SHPRH: variants seen among roughly 807,000 people sequenced by gnomAD.
SHPRH encodes the protein E3 ubiquitin-protein ligase SHPRH.
Under a neutral mutation model 202.5 loss-of-function variants are expected in SHPRH, and 106 were observed. That is an observed-to-expected ratio of 0.52 (90% CI 0.45 to 0.62). SHPRH has a LOEUF of 0.62. SHPRH is among the 20% of genes least tolerant of loss of function. SHPRH has a pLI of 0.00. For missense variants in SHPRH, 1,710 were observed against 2,020.0 expected, an observed-to-expected ratio of 0.85 and a Z score of 2.94; for synonymous variants, 729 against 686.0, an observed-to-expected ratio of 1.06 and a Z score of -0.98.
downstream of SHPRH, among the ~76,000 whole-genome samples, chr6:145,880,261 AATTC>A (rs1338631570): frequency 1.3e-5 from 2 of 152,106 alleles, no homozygotes; most frequent in Non-Finnish European, 2.9e-5. Context: ...ACATGGAATA[AATTC>A]ATTATTTAAT....
At chr6:145,929,728 C>T (rs549576107) in intron 14 of SHPRH, among the ~76,000 whole-genome samples, 3 of 152,028 alleles carry the variant, frequency 2.0e-5, no homozygotes, top group South Asian at 4.2e-4. Context: ...CTAGGGAATG[C>T]CCTAGAGGGA....
intron 1 of SHPRH, 60 bp from the exon 2 acceptor site, chr6:145,955,414 A>G: frequency 6.9e-7 from 1 of 1,439,884 alleles, no homozygotes; most frequent in Non-Finnish European, 9.3e-7. Flanking sequence ...TTTAAGGGTT[A>G]CCAGATGAGA....
chr6:145,909,352 G>C, intron 25 of SHPRH: 1 of 152,080 alleles, frequency 6.6e-6, no homozygotes, highest in Non-Finnish European at 1.5e-5. Flanking sequence ...CTGTGTGCTA[G>C]TACGTGTCCA....
At chr6:145,862,670 G>A (rs1779624376), downstream of SHPRH, 1 of 152,216 alleles carries the variant, frequency 6.6e-6, no homozygotes, top group African/African-American at 2.4e-5. Flanking sequence ...CATAGTAGAT[G>A]TTGAACAATT....
In SHPRH at chr6:145,922,249, A is replaced by G. The variant is rs778574249; in HGVS notation, c.3782+37T>C. The stretch of plus-strand genomic sequence containing the variant: ...ATAACTGAGTCTTGCAAAATGTTTC[A>G]TTTTCTTGATGGGTAATAATCAAAT... On this transcript the variant is annotated intron_variant, in intron 20 of 29. Coordinates refer to ENST00000275233, the MANE Select transcript of SHPRH (RefSeq NM_001042683.3). 71 of 1,567,786 alleles carry G rather than the reference A, an allele frequency of 4.5e-5. No individual in the cohort carries two copies. The Middle Eastern group carries it at 1.7e-3, about 38-fold the overall frequency.
intron 18 of SHPRH, 123 bp from the exon 19 acceptor site, chr6:145,922,959 T>TTA (rs1784553863): frequency 8.8e-7 from 1 of 1,134,506 alleles, no homozygotes; most frequent in South Asian, 1.9e-5. Context: ...TTTTTTTTTT[T>TTA]AACAGCAACA....
Position 145,921,330 on chromosome 6 carries a change from T to G in SHPRH, c.3845A>C (p.Asp1282Ala). ...MIEDEEGLVD[D>A]RAPTTTRGLW... is the part of the protein sequence containing the mutation. ...ACCCCGGGTGGTGGTAGGTGCTCGA[T>G]CATCCACCAGTCCTTCTTCATCTTC... Residue 1282 changes from aspartate (D) to alanine (A), a missense_variant, in exon 21 of 30, where the codon GAT (aspartate) becomes GCT (alanine). Asp to Ala is a moderately radical substitution (Grantham distance 126). Around this residue, in one of 8 missense-constraint regions of SHPRH, gnomAD observed 288 missense variants for 317.8 expected, o/e 0.91. Coordinates refer to ENST00000275233, the MANE Select transcript of SHPRH (RefSeq NM_001042683.3). 1 of 1,612,886 alleles carries G rather than the reference T, an allele frequency of 6.2e-7. No homozygotes were observed. Among genetic ancestry groups the G allele is most frequent in the Non-Finnish European group, 8.5e-7 (1 of 1,179,298 alleles).
At chr6:145,920,754 A>G (rs2128748757) in intron 21 of SHPRH, among the ~76,000 whole-genome samples, 1 of 152,152 alleles carries the variant, frequency 6.6e-6, no homozygotes, top group African/African-American at 2.4e-5. Context: ...ATTTATTGGA[A>G]TGGTTTCCAA....
intron 3 of SHPRH, 33 bp from the exon 4 acceptor site, chr6:145,950,515 T>G: frequency 6.3e-7 from 1 of 1,584,236 alleles, no homozygotes. Context: ...ACTCAAAAAC[T>G]GATAGGTTTT....
chr6:145,907,832 A>C (rs1783108998), intron 25 of SHPRH: 1 of 152,194 alleles, frequency 6.6e-6, no homozygotes, highest in South Asian at 2.1e-4. Context: ...ATACATGTAC[A>C]GAATATGCAG....
Position 145,910,632 on chromosome 6 carries a change from G to A in SHPRH, c.4331C>T (p.Ala1444Val), listed in dbSNP as rs1299294195. The A allele has an allele frequency of 1.7e-5, 28 of 1,601,498 alleles. No individual in the cohort carries two copies. The highest frequency in any genetic ancestry group is 8.9e-5 in the South Asian group (8 of 89,620). ...GAAACAGTGACCACAGGTCAGTACC[G>A]CCCACTAAAAAGAAAACAGAACAAG... ...ICARQLGKQW[A>V]VLTCGHCFCN... The change falls in exon 25 of 30, where the codon GCG becomes GTG. Residue 1444 changes from alanine to valine, a missense_variant. Ala to Val is a moderately conservative substitution (Grantham distance 64). This residue lies in a region of SHPRH where 306 missense variants were observed against 479.5 expected (regional missense o/e 0.64). Transcript: ENST00000275233.
chr6:145,900,753 C>T (rs1341718988), intron 25 of SHPRH, among the ~76,000 whole-genome samples: 1 of 152,090 alleles, frequency 6.6e-6, no homozygotes, highest in African/African-American at 2.4e-5. Flanking sequence ...AAAATCATCT[C>T]TGTATTACTT....
chr6:145,868,801 C>A (rs1779920546), intron 2 of SHPRH, among the ~76,000 whole-genome samples: 1 of 152,156 alleles, frequency 6.6e-6, no homozygotes, highest in Admixed American at 6.5e-5. Context: ...TAGCTGATTT[C>A]TTGAAATGTC....
At chr6:145,937,336 C>A (rs1370776958) in intron 11 of SHPRH, among the ~76,000 whole-genome samples, 2 of 152,120 alleles carry the variant, frequency 1.3e-5, no homozygotes, top group Non-Finnish European at 2.9e-5. Context: ...TGGATTTATG[C>A]AAGTCAGAAA....
intron 28 of SHPRH, among the ~76,000 whole-genome samples, chr6:145,890,837 T>C (rs1030738328): frequency 3.3e-5 from 5 of 152,180 alleles, no homozygotes; most frequent in Non-Finnish European, 5.9e-5. Context: ...CCCATGGTGT[T>C]ATCCTTGACC....
At position 145,922,762 on chromosome 6, in the gene SHPRH, A is replaced by G; in HGVS notation, c.3620T>C (p.Val1207Ala). The G allele has an allele frequency of 6.2e-7, 1 of 1,612,146 alleles. No individual in the cohort carries two copies. Among genetic ancestry groups the G allele is most frequent in the Non-Finnish European group, 8.5e-7 (1 of 1,178,830 alleles). ...MEELNKCQKL[V>A]REAVKNLEGP... ...CTCCAGGTTTTTTACAGCCTCTCTT[A>G]CTAGCTTCTGGCATTTATTTAGCTC... The change falls in exon 19 of 30, where the codon GTA becomes GCA. Residue 1207 changes from valine (V) to alanine (A), a missense_variant. Physicochemically the swap from Val to Ala is moderately conservative, Grantham distance 64. Around this residue, in one of 8 missense-constraint regions of SHPRH, gnomAD observed 288 missense variants for 317.8 expected, o/e 0.91. Coordinates refer to ENST00000275233, the MANE Select transcript of SHPRH (RefSeq NM_001042683.3).
chr6:145,936,070 T>C (rs1341668166), intron 11 of SHPRH, among the ~76,000 whole-genome samples: 2 of 152,246 alleles, frequency 1.3e-5, no homozygotes, highest in Admixed American at 6.5e-5. Flanking sequence ...TTGTATTTGT[T>C]AGCTTTAGAG....
At chr6:145,895,698 G>GA (rs1781953137) in intron 25 of SHPRH, among the ~76,000 whole-genome samples, 3 of 151,938 alleles carry the variant, frequency 2.0e-5, no homozygotes, top group Non-Finnish European at 4.4e-5. Context: ...CTTGGAGATG[G>GA]TATGACAGAG....
Position 145,950,412 on chromosome 6 carries a change from G to A in SHPRH, c.834C>T (p.His278=), listed in dbSNP as rs1360368146. The A allele has an allele frequency of 6.2e-7, 1 of 1,613,322 alleles. No individual in the cohort carries two copies. Among genetic ancestry groups the A allele is most frequent in the East Asian group, 2.2e-5 (1 of 44,868 alleles). Residue 278 remains histidine (H), a synonymous_variant, in exon 4 of 30, where the codon CAC becomes CAT. Coordinates refer to ENST00000275233, the MANE Select transcript of SHPRH (RefSeq NM_001042683.3). The part of the protein sequence containing the change: ...PEGQDIDELY[H]FVKQTHQQET... ...CTTGCTGATGTGTTTGTTTCACAAA[G>A]TGATACAGCTCGTCAATGTCTTGTC... is the stretch of plus-strand genomic sequence containing the variant.
Sources: gnomAD v4.1 joint callset for allele counts (sites outside exome capture counted in the v4.1 genomes callset) on GRCh38, gnomAD v4.1.1 for gene constraint, gnomAD v4.1.1 regional missense constraint, MANE v1.5 for transcripts, NCBI Gene and HGNC (gene_info 2026-07-23, HGNC 2026-07-21) for gene names.